The following DNAJC11 variants were observed in gnomAD, a reference collection of about 807,000 sequenced individuals.
The protein encoded by DNAJC11 is DnaJ heat shock protein family (Hsp40) member C11.
DNAJC11 carries 15 observed loss-of-function variants against 78.6 expected under a neutral mutation model. The ratio of observed to expected loss-of-function variants is 0.19; its 90% confidence interval spans 0.13 to 0.29. DNAJC11 has a LOEUF of 0.29. Ranked by LOEUF, DNAJC11 falls within the 10% of genes least tolerant of loss-of-function variation. DNAJC11 has a pLI of 1.00. For missense variants in DNAJC11, 547 were observed against 709.6 expected (o/e 0.77, Z 2.60); for synonymous variants, 292 against 272.1 (o/e 1.07, Z -0.72).
chr1:6,680,956 T>C lies in DNAJC11; in HGVS notation c.154A>G (p.Lys52Glu). The C allele has an allele frequency of 6.2e-7, 1 of 1,614,128 alleles. No individual in the cohort carries two copies. ...TTAAACAGTCGTTCCGCCTGTGACT[T>C]GAGCTCTGGGTCTCTGTGCTTGTCT... ...HPDKHRDPELKSQAERLFNLV... is the reference protein window; with the variant it reads ...HPDKHRDPELESQAERLFNLV... The change falls in exon 2 of 16, where the codon AAG becomes GAG. Residue 52 changes from lysine to glutamate, a missense_variant. Lys to Glu is a moderately conservative substitution (Grantham distance 56). Coordinates refer to ENST00000377577, the MANE Select transcript of DNAJC11 (RefSeq NM_018198.4). The surrounding 1 kb of genome is among the most constrained non-coding windows in gnomAD (Gnocchi z 4.0).
At chr1:6,695,094 C>T (rs979158116) in intron 1 of DNAJC11, among the ~76,000 whole-genome samples, 2 of 149,834 alleles carry the variant, frequency 1.3e-5, no homozygotes, top group African/African-American at 4.9e-5. Flanking sequence ...TGCAATGAGC[C>T]GAGATTGTGC....
chr1:6,644,626 G>C lies in DNAJC11; in HGVS notation c.1029C>G (p.Ile343Met), dbSNP rs1300448941. The C allele has an allele frequency of 3.1e-6, 5 of 1,614,196 alleles. No homozygotes were observed. The South Asian group carries it at 5.5e-5, about 18-fold the overall frequency. ...CTGCACCCAAAACGCTGTGCCTGGA[G>C]ATCTTCCTCTCAGCTCCGTACTCCA... is the stretch of plus-strand genomic sequence containing the variant. ...TVVEYGAERK[I>M]SRHSVLGAAV... Residue 343 changes from isoleucine (I) to methionine (M), a missense_variant, in exon 10 of 16, where the codon ATC (isoleucine) becomes ATG (methionine). By Grantham distance (10) the Ile-to-Met change is conservative. Transcript: ENST00000377577.
intron 1 of DNAJC11, among the ~76,000 whole-genome samples, chr1:6,684,334 G>A (rs976240520): frequency 8.5e-5 from 13 of 152,100 alleles, no homozygotes; most frequent in Non-Finnish European, 1.5e-4. Context: ...CGCCCGCCTC[G>A]GCCTCCCAAA....
intron 1 of DNAJC11, among the ~76,000 whole-genome samples, chr1:6,689,764 G>A (rs11804472): frequency 0.28 from 42,339 of 149,256 alleles, 6,488 homozygotes; most frequent in South Asian, 0.47. Context: ...CAACAAGAGC[G>A]AAACTCCGTC....
rs776954977 is a variant in DNAJC11, at chr1:6,645,912, G to A, written c.771C>T (p.Val257=). 1 of 1,614,196 alleles carries A rather than the reference G, an allele frequency of 6.2e-7. No homozygotes were observed. Among genetic ancestry groups the A allele is most frequent in the Non-Finnish European group, 8.5e-7 (1 of 1,180,044 alleles). The part of the protein sequence containing the change: ...SRGIRPGLTT[V]LARNLDKNTV... ...TGTTCTTGTCTAGGTTCCGAGCTAG[G>A]ACAGTGGTCAGGCCGGGTCGGATTC... Residue 257 remains valine, a synonymous_variant, in exon 8 of 16, where the codon GTC becomes GTT. Coordinates refer to ENST00000377577, the MANE Select transcript of DNAJC11 (RefSeq NM_018198.4). This position sits in a 1 kb window ranked among gnomAD's most constrained non-coding sequence, Gnocchi z 4.1.
At chr1:6,671,632 T>C (rs564200135) in intron 3 of DNAJC11, among the ~76,000 whole-genome samples, 1 of 145,466 alleles carries the variant, frequency 6.9e-6, no homozygotes, top group Non-Finnish European at 1.5e-5. Context: ...CATGGGTTCA[T>C]GCCATTCTTC....
At chr1:6,664,371 C>G (rs1028482795) in intron 4 of DNAJC11, among the ~76,000 whole-genome samples, 10 of 152,004 alleles carry the variant, frequency 6.6e-5, no homozygotes, top group Non-Finnish European at 1.0e-4. Context: ...TCCTGAGTAG[C>G]TGGGACTACA....
Position 6,634,217 on chromosome 1 carries a change from C to A in DNAJC11, c.*1458G>T. 1 of 965,668 alleles carries A rather than the reference C, an allele frequency of 1.0e-6. No homozygotes were observed. The highest frequency in any genetic ancestry group is 2.5e-5 in the East Asian group (1 of 39,454). 59.8% of individuals were successfully genotyped at this position (965,668 alleles called of 1,614,324 possible). ...TGGTGAGTGCCTTCTGTACAGTCGA[C>A]TGCAAATGAAACGCAGAGGATGGGT... On this transcript the variant is annotated 3_prime_UTR_variant, in exon 16 of 16. Coordinates refer to ENST00000377577, the MANE Select transcript of DNAJC11 (RefSeq NM_018198.4).
At chr1:6,655,633 G>C (rs1642114897) in intron 4 of DNAJC11, among the ~76,000 whole-genome samples, 1 of 152,020 alleles carries the variant, frequency 6.6e-6, no homozygotes. Flanking sequence ...GACCAGCCTG[G>C]CCAACGTGGT....
Position 6,634,513 on chromosome 1 carries a change from C to A in DNAJC11, c.*1162G>T. 7.4e-7 allele frequency: 1 copy of A among 1,354,036 alleles called. No individual in the cohort carries two copies. The allele number at this position is 1,354,036 out of a possible 1,614,324, so 83.9% of individuals were successfully genotyped here. ...GAGGCCGGCGCAGCTTGGGGCCCCC[C>A]GCGCCAGCTGTCTCAGCCACCACCT... On this transcript the variant is annotated 3_prime_UTR_variant, in exon 16 of 16. Coordinates refer to ENST00000377577, the MANE Select transcript of DNAJC11 (RefSeq NM_018198.4).
At chr1:6,681,573 T>C (rs946640699) in intron 1 of DNAJC11, among the ~76,000 whole-genome samples, 2 of 152,188 alleles carry the variant, frequency 1.3e-5, no homozygotes, top group African/African-American at 4.8e-5. Flanking sequence ...TTCCCTAACC[T>C]GTAGTAACCA....
chr1:6,637,866 A>T (rs1641807843), intron 12 of DNAJC11: 2 of 414,872 alleles, frequency 4.8e-6, no homozygotes, highest in Admixed American at 8.1e-5. Context: ...AGAAGCTGGA[A>T]TCCCAGCTCC....
chr1:6,644,450 A>T, intron 10 of DNAJC11, 108 bp downstream of exon 10: 2 of 877,194 alleles, frequency 2.3e-6, no homozygotes, highest in African/African-American at 1.6e-5. Flanking sequence ...CTGTGTCTTT[A>T]AGAACAAAAT....
intron 3 of DNAJC11, among the ~76,000 whole-genome samples, chr1:6,674,317 T>C (rs974538338): frequency 6.6e-6 from 1 of 151,928 alleles, no homozygotes; most frequent in Non-Finnish European, 1.5e-5. Flanking sequence ...TCCCAGCACT[T>C]TGGAAGGCCA....
At chr1:6,694,596 C>T (rs868466639) in intron 1 of DNAJC11, among the ~76,000 whole-genome samples, 1 of 152,060 alleles carries the variant, frequency 6.6e-6, no homozygotes, top group African/African-American at 2.4e-5. Flanking sequence ...AACAACTGAC[C>T]TGCTTTTCGG....
At chr1:6,658,842 C>G (rs1642168225) in intron 4 of DNAJC11, among the ~76,000 whole-genome samples, 2 of 152,288 alleles carry the variant, frequency 1.3e-5, no homozygotes, top group South Asian at 4.2e-4. Flanking sequence ...CCAACTGCTG[C>G]CCCCCTGGCC....
At chr1:6,678,271 G>A (rs1642503295) in intron 3 of DNAJC11, 123 bp downstream of exon 3, 1 of 1,056,466 alleles carries the variant, frequency 9.5e-7, no homozygotes, top group Non-Finnish European at 1.5e-6. Flanking sequence ...ACAGGGCAAG[G>A]AAGGGGGCTC....
At chr1:6,659,780 G>A (rs1053133252) in intron 4 of DNAJC11, among the ~76,000 whole-genome samples, 2 of 150,590 alleles carry the variant, frequency 1.3e-5, no homozygotes, top group African/African-American at 2.4e-5. Context: ...TACCAAGGCC[G>A]GGCACGGTGG....
intron 4 of DNAJC11, among the ~76,000 whole-genome samples, chr1:6,663,689 G>C (rs1642252555): frequency 6.6e-6 from 1 of 152,236 alleles, no homozygotes; most frequent in East Asian, 1.9e-4. Flanking sequence ...TCTCCCTGAC[G>C]CCAGTTCAAT....
Sources: gnomAD v4.1 joint callset for allele counts (sites outside exome capture counted in the v4.1 genomes callset) on GRCh38, gnomAD v4.1.1 for gene constraint, Gnocchi (gnomAD v3.1) non-coding constraint, MANE v1.5 for transcripts, NCBI Gene and HGNC (gene_info 2026-07-23, HGNC 2026-07-21) for gene names.